BRSK1: variants seen among roughly 807,000 people sequenced by gnomAD.
BRSK1 encodes the protein serine/threonine-protein kinase BRSK1.
A neutral mutation model predicts 86.2 loss-of-function variants in BRSK1; 17 were observed. The ratio of observed to expected loss-of-function variants is 0.20; its 90% CI spans 0.14 to 0.30. The LOEUF is 0.30. Among genes scored for constraint, BRSK1 ranks in the 10% least tolerant of loss-of-function variants. BRSK1 has a pLI of 1.00. For missense variants in BRSK1, 719 were observed against 1,071.9 expected, an observed-to-expected ratio of 0.67 and a Z score of 4.60; for synonymous variants, 464 against 440.1, an observed-to-expected ratio of 1.05 and a Z score of -0.68.
chr19:55,296,840 T>C (rs1245488642), intron 7 of BRSK1, among the ~76,000 whole-genome samples: 6 of 149,686 alleles, frequency 4.0e-5, no homozygotes, highest in African/African-American at 1.5e-4. Flanking sequence ...AGAGCGAGAC[T>C]CCGTCTCAAA....
At chr19:55,297,067 G>A (rs2088499345) in intron 7 of BRSK1, among the ~76,000 whole-genome samples, 1 of 152,016 alleles carries the variant, frequency 6.6e-6, no homozygotes, top group Non-Finnish European at 1.5e-5. Context: ...GAATACATAA[G>A]TTTTTTTGTT....
chr19:55,290,681 A>T (rs1324168445), intron 4 of BRSK1, among the ~76,000 whole-genome samples: 2 of 149,324 alleles, frequency 1.3e-5, no homozygotes, highest in African/African-American at 2.5e-5. Context: ...TTGCTCTGTC[A>T]CCCAGGCTGG....
rs1015171649 is a variant in BRSK1 at position 55,293,928 on chromosome 19, G to A, written c.459-89G>A. Reference sequence around the variant, plus strand: ...CATCCCCTAAAAATCCAAAAAGTATGCAGAAGTGTTCCACTGTGAGAGCCA... The same window carrying A: ...CATCCCCTAAAAATCCAAAAAGTATACAGAAGTGTTCCACTGTGAGAGCCA... On this transcript the variant is annotated intron_variant, in intron 4 of 18. Transcript: ENST00000309383. 20 of 1,141,446 alleles carry A rather than the reference G, an allele frequency of 1.8e-5. No homozygotes were observed. The African/African-American group carries it at 2.2e-4, about 12-fold the overall frequency. 70.7% of individuals were successfully genotyped at this position (1,141,446 alleles called of 1,614,324 possible).
chr19:55,284,189 G>T lies in BRSK1; in HGVS notation c.-254G>T. On this transcript the variant is annotated 5_prime_UTR_variant, in exon 1 of 19. Transcript: ENST00000309383. ...CGGGGGGCCGGCCAGAAACGGGCTGGGGAGGGGGGGCCCCGCAGCCCCCCT... is the reference window on the plus strand; with the variant it reads ...CGGGGGGCCGGCCAGAAACGGGCTGTGGAGGGGGGGCCCCGCAGCCCCCCT... The T allele has an allele frequency of 1.1e-6, 1 of 880,056 alleles. No individual in the cohort carries two copies. The highest frequency in any genetic ancestry group is 5.7e-5 in the South Asian group (1 of 17,626). 54.5% of individuals were successfully genotyped at this position (880,056 alleles called of 1,614,324 possible). A position where few individuals can be genotyped will look rare whatever the true frequency, so the allele number is the denominator to read the frequency against.
At position 55,312,406 on chromosome 19, in the gene BRSK1, C is replaced by A. The variant is rs554515723; in HGVS notation, c.*338C>A. On this transcript the variant is annotated 3_prime_UTR_variant, in exon 19 of 19. Coordinates refer to ENST00000309383, the MANE Select transcript of BRSK1 (RefSeq NM_032430.2). ...CCCTCTGTCCCTGTGTCGTCCCCAA[C>A]CCCCTCTTCCCGGGCCCCTCCTCCC... 74 of 189,238 alleles carry A rather than the reference C, an allele frequency of 3.9e-4. 1 individual carries two copies. Among genetic ancestry groups the A allele is most frequent in the Middle Eastern group, 1.9e-3 (1 of 522 alleles). 11.7% of individuals were successfully genotyped at this position (189,238 alleles called of 1,614,324 possible). A position where few individuals can be genotyped will look rare whatever the true frequency, so the allele number is the denominator to read the frequency against.
Position 55,302,189 on chromosome 19 carries a change from C to A in BRSK1, c.857+21C>A. 6.2e-7 allele frequency: 1 copy of A among 1,614,040 alleles called. No homozygotes were observed. Among genetic ancestry groups the A allele is most frequent in the South Asian group, 1.1e-5 (1 of 91,080 alleles). On this transcript the variant is annotated intron_variant, in intron 9 of 18. Coordinates refer to ENST00000309383, the MANE Select transcript of BRSK1 (RefSeq NM_032430.2). This position sits in a 1 kb window ranked among gnomAD's most constrained non-coding sequence, Gnocchi z 6.3. ...TACCTGTGAGTATGGGGTAACTGGA[C>A]TCTTGGGTCCCTGGCGGAAATAGGG...
intron 7 of BRSK1, among the ~76,000 whole-genome samples, chr19:55,297,870 A>G (rs1179229465): frequency 2.6e-5 from 4 of 152,098 alleles, no homozygotes; most frequent in Non-Finnish European, 5.9e-5. Flanking sequence ...GCTGGAGTGC[A>G]ATGGTGCGAT....
rs1239241278 is a variant in BRSK1 at position 55,310,926 on chromosome 19, C to T, written c.2180-985C>T. On this transcript the variant is annotated intron_variant, in intron 18 of 18. Transcript: ENST00000309383. The surrounding 1 kb of genome is among the most constrained non-coding windows in gnomAD (Gnocchi z 5.0). ...GAATGGGGTGGGGGGTGCAGGCCTCCGAGTCACCGTGGTTGCTATGACAAG... is the reference window on the plus strand; with the variant it reads ...GAATGGGGTGGGGGGTGCAGGCCTCTGAGTCACCGTGGTTGCTATGACAAG... Among the ~76,000 whole-genome samples the T allele has an allele frequency of 2.0e-5, 3 of 152,010 alleles. No homozygotes were observed. Among genetic ancestry groups the T allele is most frequent in the South Asian group, 4.2e-4 (2 of 4,818 alleles).
chr19:55,304,583 G>C lies in BRSK1; in HGVS notation c.1380G>C (p.Gly460=). Residue 460 remains glycine (G), a synonymous_variant, in exon 14 of 19, where the codon GGG becomes GGC. Coordinates refer to ENST00000309383, the MANE Select transcript of BRSK1 (RefSeq NM_032430.2). The surrounding 1 kb of genome is among the most constrained non-coding windows in gnomAD (Gnocchi z 5.2). ...TCTTTTCCTTTTCACCGGAGCCGGGGGCTGGAGATGAGGCTCGAGGCGGGG... is the reference window on the plus strand; with the variant it reads ...TCTTTTCCTTTTCACCGGAGCCGGGCGCTGGAGATGAGGCTCGAGGCGGGG... ...SPVFSFSPEP[G]AGDEARGGGS... is the part of the protein sequence containing the mutation. 6.3e-7 allele frequency: 1 copy of C among 1,586,038 alleles called. No homozygotes were observed. The highest frequency in any genetic ancestry group is 8.6e-7 in the Non-Finnish European group (1 of 1,167,948).
rs186782350 is a variant in BRSK1, at chr19:55,295,139, T to C, written c.678+742T>C. Among the ~76,000 whole-genome samples the C allele has an allele frequency of 4.2e-3, 635 of 149,438 alleles. 2 individuals are homozygous for C. Among genetic ancestry groups the C allele is most frequent in the African/African-American group, 0.015 (607 of 40,830 alleles). On this transcript the variant is annotated intron_variant, in intron 7 of 18. Transcript: ENST00000309383. ...TTATTTTTATTTTTATTTTTATTTT[T>C]TGAGAGAGGATCTCTCTCTGTCGCC... is the stretch of plus-strand genomic sequence containing the variant.
chr19:55,312,022 C>A lies in BRSK1; in HGVS notation c.2291C>A (p.Pro764His). The change falls in exon 19 of 19, where the codon CCC (proline) becomes CAC (histidine). Residue 764 changes from proline (P) to histidine (H), a missense_variant. By Grantham distance (77) the Pro-to-His change is moderately conservative. Around this residue, in one of 6 missense-constraint regions of BRSK1, gnomAD observed 82 missense variants for 72.6 expected, o/e 1.13. Transcript: ENST00000309383. ...AGCAGCTCTCCCCGCCGAGGCCCCCCCAAGGACAAGAAGCTCCTGGCCACC... is the reference window on the plus strand; with the variant it reads ...AGCAGCTCTCCCCGCCGAGGCCCCCACAAGGACAAGAAGCTCCTGGCCACC... Reference protein sequence around the residue: ...ELSSSPRRGPPKDKKLLATNG... With the variant: ...ELSSSPRRGPHKDKKLLATNG... 3.3e-6 allele frequency: 5 copies of A among 1,509,974 alleles called. No homozygotes were observed. The highest frequency in any genetic ancestry group is 3.5e-6 in the Non-Finnish European group (4 of 1,128,552). 93.5% of individuals were successfully genotyped at this position (1,509,974 alleles called of 1,614,324 possible). A position where few individuals can be genotyped will look rare whatever the true frequency, so the allele number is the denominator to read the frequency against.
At position 55,304,692 on chromosome 19, in the gene BRSK1, G is replaced by C; in HGVS notation, c.1489G>C (p.Ala497Pro). 1 of 1,482,760 alleles carries C rather than the reference G, an allele frequency of 6.7e-7. No individual in the cohort carries two copies. Among genetic ancestry groups the C allele is most frequent in the Non-Finnish European group, 8.9e-7 (1 of 1,124,808 alleles). The allele number at this position is 1,482,760 out of a possible 1,614,324, so 91.9% of individuals were successfully genotyped here. Reference protein sequence around the residue: ...GAGEQPPPPSARSTPLPGPPG... With the variant: ...GAGEQPPPPSPRSTPLPGPPG... ...CGGGGAGCAGCCCCCGCCCCCCAGT[G>C]CCCGCTCCACACCCCTGCCCGGCCC... Residue 497 changes from alanine to proline, a missense_variant, in exon 14 of 19, where the codon GCC becomes CCC. Coordinates refer to ENST00000309383, the MANE Select transcript of BRSK1 (RefSeq NM_032430.2). This position sits in a 1 kb window ranked among gnomAD's most constrained non-coding sequence, Gnocchi z 5.2.
intron 14 of BRSK1, 29 bp from the exon 15 acceptor site, chr19:55,305,292 G>C (rs1172421932): frequency 1.2e-6 from 2 of 1,613,374 alleles, no homozygotes; most frequent in Non-Finnish European, 1.7e-6. Context: ...CACAGGTGTT[G>C]ACCACGTTCT....
chr19:55,295,786 T>C (rs1391293624), intron 7 of BRSK1, among the ~76,000 whole-genome samples: 2 of 152,090 alleles, frequency 1.3e-5, no homozygotes, highest in Non-Finnish European at 2.9e-5. Flanking sequence ...CTGGCCAACA[T>C]GGTGAAACCC....
chr19:55,305,594 G>A lies in BRSK1; in HGVS notation c.1890+8G>A, dbSNP rs774709081. 8 of 1,613,790 alleles carry A rather than the reference G, an allele frequency of 5.0e-6. No individual in the cohort carries two copies. In the African/African-American group the frequency reaches 1.1e-4, roughly 22 times the overall value. On this transcript the variant is annotated splice_region_variant and intron_variant, in intron 16 of 18. Transcript: ENST00000309383. The stretch of plus-strand genomic sequence containing the variant: ...GTCCATGCCTTTCTGTCGGTGAGGG[G>A]CCTGGGTCCCCATCGAGCCTGGCCC...
rs1360413273 is a variant in BRSK1, at chr19:55,302,858, G to A, written c.1019G>A (p.Arg340His). The change falls in exon 10 of 19, where the codon CGC becomes CAC. Residue 340 changes from arginine (R) to histidine (H), a missense_variant. This residue lies in a region of BRSK1 where 168 missense variants were observed against 246.3 expected (regional missense o/e 0.68). Coordinates refer to ENST00000309383, the MANE Select transcript of BRSK1 (RefSeq NM_032430.2). This position sits in a 1 kb window ranked among gnomAD's most constrained non-coding sequence, Gnocchi z 6.3. ...RDRERLHREL[R>H]SEEENQEKMI... ...CGCGAGAGGCTGCATCGCGAGCTGC[G>A]CAGTGAGGAGTAAGACCCCAAGACC... is the stretch of plus-strand genomic sequence containing the variant. 5.0e-6 allele frequency: 8 copies of A among 1,612,778 alleles called. No homozygotes were observed. Among genetic ancestry groups the A allele is most frequent in the African/African-American group, 1.3e-5 (1 of 74,894 alleles).
At position 55,304,429 on chromosome 19, in the gene BRSK1, C is replaced by A; in HGVS notation, c.1348-122C>A. 1 of 1,216,456 alleles carries A rather than the reference C, an allele frequency of 8.2e-7. No individual in the cohort carries two copies. The highest frequency in any genetic ancestry group is 1.1e-6 in the Non-Finnish European group (1 of 899,260). The allele number at this position is 1,216,456 out of a possible 1,614,324, so 75.4% of individuals were successfully genotyped here. A position where few individuals can be genotyped will look rare whatever the true frequency, so the allele number is the denominator to read the frequency against. On this transcript the variant is annotated intron_variant, in intron 13 of 18. Coordinates refer to ENST00000309383, the MANE Select transcript of BRSK1 (RefSeq NM_032430.2). This position sits in a 1 kb window ranked among gnomAD's most constrained non-coding sequence, Gnocchi z 5.2. ...GCTCTGGGGCCTGGGAAGGAGGATACTTGGACTACAAGTTGCAGCATGCAC... is the reference window on the plus strand; with the variant it reads ...GCTCTGGGGCCTGGGAAGGAGGATAATTGGACTACAAGTTGCAGCATGCAC...
At chr19:55,285,668 C>T (rs956890183) in intron 1 of BRSK1, among the ~76,000 whole-genome samples, 6 of 152,236 alleles carry the variant, frequency 3.9e-5, no homozygotes, top group Admixed American at 1.3e-4. Flanking sequence ...GTGGAAAGGG[C>T]GTTCATCCTC....
At chr19:55,299,817 C>G (rs2088544652) in intron 7 of BRSK1, among the ~76,000 whole-genome samples, 4 of 152,124 alleles carry the variant, frequency 2.6e-5, no homozygotes, top group African/African-American at 9.7e-5. Context: ...GCTTCCGCAC[C>G]CTAAGATCGG....
Sources: allele counts gnomAD v4.1 joint callset (sites outside exome capture counted in the v4.1 genomes callset), GRCh38; gene constraint gnomAD v4.1.1; regional missense constraint gnomAD v4.1.1; non-coding constraint Gnocchi (gnomAD v3.1); transcripts MANE v1.5; gene names NCBI Gene and HGNC (gene_info 2026-07-23, HGNC 2026-07-21).